EXTL3: variants seen among roughly 807,000 people sequenced by gnomAD.
EXTL3 encodes exostosin like glycosyltransferase 3, also known as exostosin-like 3.
In EXTL3, 27 loss-of-function variants were observed where a neutral mutation model predicts 69.3. That is an observed-to-expected ratio of 0.39 (90% confidence interval 0.29 to 0.54). The LOEUF (loss-of-function observed/expected upper bound fraction) is 0.54, where lower values mean the gene tolerates loss of function less well. Among genes scored for constraint, EXTL3 ranks in the 20% least tolerant of loss-of-function variants. The probability of loss-of-function intolerance (pLI) is 0.69; values close to 1 mark genes in which losing one functional copy is unlikely to be tolerated. For synonymous variants in EXTL3, 511 were observed against 499.4 expected (o/e 1.02, Z -0.31); for missense variants, 1,003 against 1,231.8 (o/e 0.81, Z 2.78).
chr8:28,618,461 A>C (rs1238441847), upstream of EXTL3, among the ~76,000 whole-genome samples: 2 of 152,178 alleles, frequency 1.3e-5, no homozygotes, highest in Admixed American at 1.3e-4. Flanking sequence ...GCTCGTTGGG[A>C]AATGGGAACC....
chr8:28,655,513 A>T (rs1806995661), intron 1 of EXTL3, among the ~76,000 whole-genome samples: 1 of 142,282 alleles, frequency 7.0e-6, no homozygotes, highest in African/African-American at 2.7e-5. Flanking sequence ...TTTTTGAGAC[A>T]GCGTCTCACA....
chr8:28,743,294 C>T, intron 6 of EXTL3, 80 bp downstream of exon 6: 1 of 1,485,202 alleles, frequency 6.7e-7, no homozygotes, highest in Non-Finnish European at 9.4e-7. Flanking sequence ...CACGTAACTG[C>T]ACTGTACCTC....
rs1404120770 is a variant in EXTL3, at chr8:28,716,188, C to T, written c.129C>T (p.Phe43=). Residue 43 remains phenylalanine (F), a synonymous_variant, in exon 3 of 7, where the codon TTC becomes TTT. Coordinates refer to ENST00000220562, the MANE Select transcript of EXTL3 (RefSeq NM_001440.4). This position sits in a 1 kb window ranked among gnomAD's most constrained non-coding sequence, Gnocchi z 7.1. ...SFTLFVILVF[F]PLIAHYYLTT... ...CGCTCTTTGTCATCCTGGTCTTCTT[C>T]CCGCTCATCGCCCACTATTACCTCA... 1 of 1,614,198 alleles carries T rather than the reference C, an allele frequency of 6.2e-7. No homozygotes were observed. The highest frequency in any genetic ancestry group is 1.3e-5 in the African/African-American group (1 of 75,038).
rs1190023648 is a variant in EXTL3, at chr8:28,723,857, G to GTC, written c.2148+5653_2148+5654dup. Reference sequence around the variant, plus strand: ...GGATTTTGCCATGGTGGCCAGGCTGGTCTCGAACTCCTGACCTTAGGTGAT... The same window carrying GTC: ...GGATTTTGCCATGGTGGCCAGGCTGGTCTCTCGAACTCCTGACCTTAGGTGAT... On this transcript the variant is annotated intron_variant, in intron 3 of 6. Coordinates refer to ENST00000220562, the MANE Select transcript of EXTL3 (RefSeq NM_001440.4). Among the ~76,000 whole-genome samples, 5 of 152,106 alleles carry GTC rather than the reference G, an allele frequency of 3.3e-5. No homozygotes were observed. The East Asian group carries it at 9.6e-4, about 29-fold the overall frequency.
intron 1 of EXTL3, among the ~76,000 whole-genome samples, chr8:28,628,374 G>C (rs1585220731): frequency 1.3e-5 from 2 of 151,674 alleles, no homozygotes; most frequent in Non-Finnish European, 2.9e-5. Context: ...AAAATAAAAA[G>C]AAATGGTTAA....
intron 1 of EXTL3, among the ~76,000 whole-genome samples, chr8:28,690,848 GGCC>G (rs1390748405): frequency 6.6e-6 from 1 of 152,236 alleles, no homozygotes; most frequent in South Asian, 2.1e-4. Context: ...GTGTTCCATT[GGCC>G]ACACAGATGG....
chr8:28,661,068 C>T (rs1807105841), intron 1 of EXTL3, among the ~76,000 whole-genome samples: 1 of 151,506 alleles, frequency 6.6e-6, no homozygotes, highest in African/African-American at 2.4e-5. Flanking sequence ...TGCCTGCCAC[C>T]ACGCCAGGCT....
intron 1 of EXTL3, among the ~76,000 whole-genome samples, chr8:28,706,335 A>G (rs1317227279): frequency 6.6e-6 from 1 of 152,232 alleles, no homozygotes; most frequent in Non-Finnish European, 1.5e-5. Context: ...CTAACACAAG[A>G]GTACCTGCCA....
At chr8:28,630,575 C>T (rs1161931642) in intron 1 of EXTL3, among the ~76,000 whole-genome samples, 1 of 152,184 alleles carries the variant, frequency 6.6e-6, no homozygotes, top group Non-Finnish European at 1.5e-5. Flanking sequence ...ATTAACTAAC[C>T]TACCAGAATG....
intron 5 of EXTL3, chr8:28,740,915 G>A (rs1801765429): frequency 6.6e-6 from 1 of 152,074 alleles, no homozygotes; most frequent in Non-Finnish European, 1.5e-5. Flanking sequence ...TGGATACTGT[G>A]TGTTATAGCA....
In EXTL3 at chr8:28,750,836, T is replaced by C. The variant is rs1459344840; in HGVS notation, c.2730T>C (p.His910=). ...DSVLFKTRLP[H]DKTKCFKFI is the part of the protein sequence containing the mutation. Reference sequence around the variant, plus strand: ...TGCTCTTCAAGACACGCCTGCCCCATGACAAGACCAAGTGCTTCAAGTTCA... The same window carrying C: ...TGCTCTTCAAGACACGCCTGCCCCACGACAAGACCAAGTGCTTCAAGTTCA... Residue 910 remains histidine (H), a synonymous_variant, in exon 7 of 7, where the codon CAT becomes CAC. Coordinates refer to ENST00000220562, the MANE Select transcript of EXTL3 (RefSeq NM_001440.4). The surrounding 1 kb of genome is among the most constrained non-coding windows in gnomAD (Gnocchi z 5.2). 6.2e-7 allele frequency: 1 copy of C among 1,614,098 alleles called. No individual in the cohort carries two copies. The highest frequency in any genetic ancestry group is 8.5e-7 in the Non-Finnish European group (1 of 1,180,006).
chr8:28,711,506 C>A (rs1801030886), intron 1 of EXTL3, among the ~76,000 whole-genome samples: 1 of 152,018 alleles, frequency 6.6e-6, no homozygotes, highest in Non-Finnish European at 1.5e-5. Flanking sequence ...TGCAATAACC[C>A]TGGCGGTAGG....
In EXTL3 at chr8:28,717,613, T is replaced by G. The variant is rs758580194; in HGVS notation, c.1554T>G (p.Thr518=). The G allele has an allele frequency of 6.2e-7, 1 of 1,614,220 alleles. No homozygotes were observed. Among genetic ancestry groups the G allele is most frequent in the Non-Finnish European group, 8.5e-7 (1 of 1,180,032 alleles). ...MRRQGRFLWE[T]YFSTADSIFN... is the part of the protein sequence containing the mutation. ...GGCAAGGCCGCTTTCTCTGGGAGAC[T>G]TACTTCTCCACTGCTGACAGTATTT... The change falls in exon 3 of 7, where the codon ACT becomes ACG. Residue 518 remains threonine (T), a synonymous_variant. Coordinates refer to ENST00000220562, the MANE Select transcript of EXTL3 (RefSeq NM_001440.4). The surrounding 1 kb of genome is among the most constrained non-coding windows in gnomAD (Gnocchi z 8.3).
chr8:28,709,520 G>A (rs141544728), intron 1 of EXTL3, among the ~76,000 whole-genome samples: 2 of 151,896 alleles, frequency 1.3e-5, no homozygotes, highest in Non-Finnish European at 2.9e-5. Context: ...CTGTCTCTCC[G>A]GGTGAGTGTT....
chr8:28,756,364 G>T (rs1172606070), downstream of EXTL3, among the ~76,000 whole-genome samples: 2 of 151,962 alleles, frequency 1.3e-5, no homozygotes, highest in Admixed American at 6.6e-5. Flanking sequence ...TTCTACTCTT[G>T]TGTGTGTCCG....
At chr8:28,686,097 C>A (rs4732866) in intron 1 of EXTL3, 34,888 of 151,902 alleles carry the variant, frequency 0.23, 4,293 homozygotes, top group Middle Eastern at 0.33. Flanking sequence ...AACTCCTGAC[C>A]TCAAGTGATT....
chr8:28,716,460 T>A lies in EXTL3; in HGVS notation c.401T>A (p.Val134Asp). Residue 134 changes from valine to aspartate, a missense_variant, in exon 3 of 7, where the codon GTC becomes GAC. Val to Asp is a radical substitution (Grantham distance 152). This residue lies in a region of EXTL3 where 742 missense variants were observed against 815.4 expected (regional missense o/e 0.91). Transcript: ENST00000220562. The surrounding 1 kb of genome is among the most constrained non-coding windows in gnomAD (Gnocchi z 7.1). ...AKQDLLQLKN[V>D]ISQTEHSYKE... is the part of the protein sequence containing the mutation. The stretch of plus-strand genomic sequence containing the variant: ...CAGGACCTGCTCCAGCTCAAGAATG[T>A]CATCAGCCAGACCGAGCATTCCTAC... 6.2e-7 allele frequency: 1 copy of A among 1,613,856 alleles called. No homozygotes were observed. The highest frequency in any genetic ancestry group is 8.5e-7 in the Non-Finnish European group (1 of 1,179,974).
chr8:28,728,303 C>T (rs1801456847), intron 3 of EXTL3, among the ~76,000 whole-genome samples: 1 of 152,236 alleles, frequency 6.6e-6, no homozygotes, highest in South Asian at 2.1e-4. Context: ...CGAGTGGAAC[C>T]GACAGCTGCT....
At chr8:28,744,928 A>G (rs1801858479) in intron 6 of EXTL3, among the ~76,000 whole-genome samples, 1 of 152,196 alleles carries the variant, frequency 6.6e-6, no homozygotes, top group Non-Finnish European at 1.5e-5. Flanking sequence ...ATGCCAGTGC[A>G]CTCCAGCCTG....
Sources: allele counts gnomAD v4.1 joint callset (sites outside exome capture counted in the v4.1 genomes callset), GRCh38; gene constraint gnomAD v4.1.1; regional missense constraint gnomAD v4.1.1; non-coding constraint Gnocchi (gnomAD v3.1); transcripts MANE v1.5; gene names NCBI Gene and HGNC (gene_info 2026-07-23, HGNC 2026-07-21).